The following MED27 variants were observed in gnomAD, a reference collection of about 807,000 sequenced individuals.
MED27 encodes mediator of RNA polymerase II transcription subunit 27.
MED27 carries 30 observed loss-of-function variants against 38.2 expected under a neutral mutation model. The ratio of observed to expected loss-of-function variants is 0.79; its 90% confidence interval spans 0.59 to 1.07. The LOEUF is 1.07. Ranked by LOEUF, MED27 falls within the 50% of genes least tolerant of loss-of-function variation. The pLI is 0.00. For missense variants in MED27, 289 were observed against 397.5 expected (o/e 0.73, Z 2.32); for synonymous variants, 122 against 153.5 (o/e 0.79, Z 1.52).
At chr9:131,956,403 G>C (rs1376762225) in intron 3 of MED27, among the ~76,000 whole-genome samples, 1 of 152,150 alleles carries the variant, frequency 6.6e-6, no homozygotes, top group Non-Finnish European at 1.5e-5. Flanking sequence ...ATCACCTGAG[G>C]TCAGGAGTCT....
At chr9:131,931,115 C>T (rs181601506) in intron 4 of MED27, among the ~76,000 whole-genome samples, 2 of 151,890 alleles carry the variant, frequency 1.3e-5, no homozygotes, top group African/African-American at 2.4e-5. Flanking sequence ...TGTGGTGGTG[C>T]GGATCTGTGG....
intron 4 of MED27, among the ~76,000 whole-genome samples, chr9:131,906,859 A>G (rs1460025437): frequency 5.9e-5 from 9 of 152,170 alleles, no homozygotes; most frequent in Non-Finnish European, 1.2e-4. Flanking sequence ...GATGCTAAAG[A>G]AGGAGTGGAT....
At chr9:132,001,419 G>C (rs1042942011) in intron 3 of MED27, among the ~76,000 whole-genome samples, 8 of 152,052 alleles carry the variant, frequency 5.3e-5, no homozygotes, top group African/African-American at 1.9e-4. Context: ...ATACACATCA[G>C]ATCACAATAA....
intron 2 of MED27, among the ~76,000 whole-genome samples, chr9:132,067,809 T>C (rs1402868058): frequency 4.6e-5 from 7 of 151,994 alleles, no homozygotes; most frequent in Admixed American, 4.6e-4. Context: ...CCTCCCGGGT[T>C]CACGCCATTC....
chr9:132,067,925 C>G (rs867986204), intron 2 of MED27, among the ~76,000 whole-genome samples: 1 of 152,114 alleles, frequency 6.6e-6, no homozygotes, highest in Non-Finnish European at 1.5e-5. Flanking sequence ...TGTTAGCCAG[C>G]ATGGTCTCCA....
chr9:131,984,318 C>T (rs540087723), intron 3 of MED27, among the ~76,000 whole-genome samples: 1 of 152,258 alleles, frequency 6.6e-6, no homozygotes, highest in Non-Finnish European at 1.5e-5. Context: ...AGAATGTAAG[C>T]ACCACAAGGG....
At chr9:131,981,777 G>A (rs79357507) in intron 3 of MED27, among the ~76,000 whole-genome samples, 4,393 of 152,320 alleles carry the variant, frequency 0.029, 218 homozygotes, top group African/African-American at 0.1. Context: ...AGCTCAGGGA[G>A]AGGGGGCACA....
At chr9:132,038,512 C>T (rs1833133871) in intron 2 of MED27, among the ~76,000 whole-genome samples, 1 of 152,158 alleles carries the variant, frequency 6.6e-6, no homozygotes, top group Non-Finnish European at 1.5e-5. Flanking sequence ...CTTCTAAGCA[C>T]TCGAGAAATA....
At chr9:131,991,405 G>A (rs1249306843) in intron 3 of MED27, among the ~76,000 whole-genome samples, 1 of 152,000 alleles carries the variant, frequency 6.6e-6, no homozygotes, top group Non-Finnish European at 1.5e-5. Context: ...CCCACTATTA[G>A]AAGCAAGAAA....
intron 4 of MED27, among the ~76,000 whole-genome samples, chr9:131,905,383 G>C (rs994986276): frequency 6.6e-6 from 1 of 152,212 alleles, no homozygotes; most frequent in Non-Finnish European, 1.5e-5. Context: ...AATGAAGCCT[G>C]CCTCACACTG....
chr9:131,976,936 C>A (rs747923292), intron 3 of MED27, among the ~76,000 whole-genome samples: 3 of 152,204 alleles, frequency 2.0e-5, no homozygotes, highest in Non-Finnish European at 2.9e-5. Flanking sequence ...ACCCTGATCA[C>A]AACACGGTTA....
chr9:131,941,464 C>T (rs1364507229), intron 3 of MED27, among the ~76,000 whole-genome samples: 1 of 151,986 alleles, frequency 6.6e-6, no homozygotes, highest in East Asian at 1.9e-4. Flanking sequence ...CTAAGGAAAG[C>T]CTATCAGGTT....
chr9:131,914,657 T>C (rs972582736), intron 4 of MED27, among the ~76,000 whole-genome samples: 3 of 152,198 alleles, frequency 2.0e-5, no homozygotes, highest in East Asian at 1.9e-4. Flanking sequence ...TTAGAGATCA[T>C]GGTAAGGATG....
chr9:132,015,644 A>T (rs1419043948), intron 2 of MED27, among the ~76,000 whole-genome samples: 2 of 152,218 alleles, frequency 1.3e-5, no homozygotes, highest in African/African-American at 4.8e-5. Flanking sequence ...AGCACCTAAC[A>T]TCAGGAAATT....
At chr9:131,975,047 T>G (rs1831574135) in intron 3 of MED27, among the ~76,000 whole-genome samples, 1 of 152,214 alleles carries the variant, frequency 6.6e-6, no homozygotes, top group Admixed American at 6.5e-5. Flanking sequence ...CATGCTGACC[T>G]TTAAGCCAAA....
In MED27 at chr9:131,869,503, G is replaced by A. The variant is rs532324592; in HGVS notation, c.724-6363C>T. 106 of 799,502 alleles carry A rather than the reference G, an allele frequency of 1.3e-4. 1 individual carries two copies. The South Asian group carries it at 3.9e-3, about 29-fold the overall frequency. 49.5% of individuals were successfully genotyped at this position (799,502 alleles called of 1,614,324 possible). A position where few individuals can be genotyped will look rare whatever the true frequency, so the allele number is the denominator to read the frequency against. ...GAGATTCCGCTGGGAGATAAAAGCC[G>A]CCCTCCCCCTTGGCGGAGGCCAGGA... On this transcript the variant is annotated intron_variant, in intron 6 of 7. Coordinates refer to ENST00000292035, the MANE Select transcript of MED27 (RefSeq NM_004269.4).
At position 132,038,701 on chromosome 9, in the gene MED27, G is replaced by A. The variant is rs75765113; in HGVS notation, c.349-24234C>T. Among the ~76,000 whole-genome samples the A allele has an allele frequency of 1.5e-3, 225 of 152,344 alleles. 1 individual carries two copies. The highest frequency in any genetic ancestry group is 5.3e-3 in the African/African-American group (219 of 41,570). On this transcript the variant is annotated intron_variant, in intron 2 of 7. Coordinates refer to ENST00000292035, the MANE Select transcript of MED27 (RefSeq NM_004269.4). ...CACCTGCAATGTGATCTGAAAATGAGAATCTAGGTATTTGGCATATTTGGG... is the reference window on the plus strand; with the variant it reads ...CACCTGCAATGTGATCTGAAAATGAAAATCTAGGTATTTGGCATATTTGGG...
rs933128463 is a variant in MED27 at position 131,860,904 on chromosome 9, C to G, written c.802-232G>C. ...CCGAAGGAGTTTTGAAAACAGAAAC[C>G]CCTACTCTCAAAAGCAGGAAGGCCT... is the stretch of plus-strand genomic sequence containing the variant. On this transcript the variant is annotated intron_variant, in intron 7 of 7. Transcript: ENST00000292035. This position sits in a 1 kb window ranked among gnomAD's most constrained non-coding sequence, Gnocchi z 5.8. 2.2e-4 allele frequency among the ~76,000 whole-genome samples: 34 copies of G among 152,110 alleles called. No individual in the cohort carries two copies. Among genetic ancestry groups the G allele is most frequent in the African/African-American group, 7.7e-4 (32 of 41,416 alleles).
In MED27 at chr9:131,861,781, TTTTTTTTA is replaced by T. The variant is rs1449719840; in HGVS notation, c.802-1117_802-1110del. 9.8e-6 allele frequency among the ~76,000 whole-genome samples: 1 copy of T among 102,076 alleles called. No homozygotes were observed. Among genetic ancestry groups the T allele is most frequent in the East Asian group, 2.3e-4 (1 of 4,266 alleles). 67.0% of individuals were successfully genotyped at this position (102,076 alleles called of 152,430 possible). On this transcript the variant is annotated intron_variant, in intron 7 of 7. Transcript: ENST00000292035. This position sits in a 1 kb window ranked among gnomAD's most constrained non-coding sequence, Gnocchi z 4.4. ...TGTAAATGGTTCTTTTTTTTTTTTT[TTTTTTTTA>T]TGAGACCACATCTCGCTCTGACACC... is the stretch of plus-strand genomic sequence containing the variant.
Sources: gnomAD v4.1 joint callset for allele counts (sites outside exome capture counted in the v4.1 genomes callset) on GRCh38, gnomAD v4.1.1 for gene constraint, Gnocchi (gnomAD v3.1) non-coding constraint, MANE v1.5 for transcripts, NCBI Gene and HGNC (gene_info 2026-07-23, HGNC 2026-07-21) for gene names.